Variants in ROBO2 observed in about 807,000 individuals in gnomAD.
ROBO2 encodes roundabout homolog 2.
A neutral mutation model predicts 160.8 loss-of-function variants in ROBO2; 53 were observed. The ratio of observed to expected loss-of-function variants is 0.33; its 90% CI spans 0.26 to 0.41. ROBO2 has a LOEUF of 0.41. ROBO2 is among the 10% of genes least tolerant of loss of function. The pLI, the probability that ROBO2 is intolerant of heterozygous loss-of-function variation, is 1.00. For missense variants in ROBO2, 1,577 were observed against 1,722.4 expected (o/e 0.92, Z 1.49); for synonymous variants, 664 against 611.7 (o/e 1.09, Z -1.26).
intron 2 of ROBO2, chr3:76,434,496 G>A (rs1223365580): frequency 6.4e-6 from 10 of 1,556,950 alleles, no homozygotes; most frequent in East Asian, 4.5e-5. Context: ...TATACAAACC[G>A]AGTCCTCAAA....
intron 2 of ROBO2, among the ~76,000 whole-genome samples, chr3:76,698,064 T>C (rs2092966625): frequency 6.6e-6 from 1 of 152,112 alleles, no homozygotes; most frequent in Admixed American, 6.5e-5. Context: ...TCTTCTATTT[T>C]ATTCATTGGT....
chr3:77,034,460 T>C (rs1463310309), intron 2 of ROBO2, among the ~76,000 whole-genome samples: 2 of 151,136 alleles, frequency 1.3e-5, no homozygotes, highest in Admixed American at 6.6e-5. Context: ...ATAAAATAAA[T>C]TGGATATTGG....
chr3:76,746,237 T>C (rs2108132361), intron 2 of ROBO2, among the ~76,000 whole-genome samples: 1 of 152,096 alleles, frequency 6.6e-6, no homozygotes, highest in South Asian at 2.1e-4. Context: ...CTATCATTGT[T>C]GGACATTTGG....
chr3:76,643,497 C>G (rs755043537), intron 2 of ROBO2, among the ~76,000 whole-genome samples: 2 of 152,148 alleles, frequency 1.3e-5, no homozygotes, highest in African/African-American at 4.8e-5. Context: ...TAAGTATATA[C>G]TGTCCTGCAA....
chr3:75,924,681 C>CTTTTTTTTTTTTT lies in ROBO2; in HGVS notation c.-13-12788_-13-12776dup, dbSNP rs60599175. ...AATTATTGGGAATTTATTTTCTTTT[C>CTTTTTTTTTTTTT]TTTTTTTTTTTTTTTTTTTTTTTTG... On this transcript the variant is annotated intron_variant, in intron 1 of 26. Transcript: ENST00000487694. 3.0e-5 allele frequency among the ~76,000 whole-genome samples: 2 copies of CTTTTTTTTTTTTT among 66,012 alleles called. 1 individual carries two copies. The highest frequency in any genetic ancestry group is 1.4e-4 in the African/African-American group (2 of 14,746). 43.3% of individuals were successfully genotyped at this position (66,012 alleles called of 152,430 possible).
At chr3:76,850,655 C>A (rs1193730729) in intron 2 of ROBO2, among the ~76,000 whole-genome samples, 1 of 152,074 alleles carries the variant, frequency 6.6e-6, no homozygotes, top group East Asian at 1.9e-4. Flanking sequence ...TACCAATGAT[C>A]TCCACACTTC....
chr3:76,145,688 G>A (rs569627967), intron 2 of ROBO2, among the ~76,000 whole-genome samples: 8 of 151,936 alleles, frequency 5.3e-5, no homozygotes, highest in African/African-American at 1.4e-4. Context: ...AAAAGGACTC[G>A]ATTTTTTATT....
chr3:76,471,083 G>T (rs772682015), intron 2 of ROBO2, among the ~76,000 whole-genome samples: 9 of 152,092 alleles, frequency 5.9e-5, no homozygotes, highest in Non-Finnish European at 1.0e-4. Flanking sequence ...TTTATGGGAA[G>T]TCTCTCTAAC....
intron 2 of ROBO2, among the ~76,000 whole-genome samples, chr3:76,276,663 T>G (rs970133402): frequency 6.6e-6 from 1 of 152,044 alleles, no homozygotes; most frequent in Non-Finnish European, 1.5e-5. Context: ...TCACGTTGCT[T>G]AAATGAAGAA....
intron 2 of ROBO2, among the ~76,000 whole-genome samples, chr3:76,400,219 A>T (rs923288747): frequency 6.6e-6 from 1 of 151,622 alleles, no homozygotes; most frequent in Non-Finnish European, 1.5e-5. Context: ...ATATCTTAAG[A>T]TATCTAGACA....
chr3:76,647,699 A>G (rs2091047899), intron 2 of ROBO2, among the ~76,000 whole-genome samples: 1 of 151,930 alleles, frequency 6.6e-6, no homozygotes, highest in Admixed American at 6.6e-5. Flanking sequence ...TTTGGTAATC[A>G]AGGTTGTGGG....
chr3:77,164,451 CCCGCCTGG>C (rs2078787334), intron 2 of ROBO2, among the ~76,000 whole-genome samples: 1 of 129,098 alleles, frequency 7.7e-6, no homozygotes, highest in Non-Finnish European at 1.7e-5. Context: ...GGGTCAGCCC[CCCGCCTGG>C]CCAGCAGTGC....
intron 2 of ROBO2, among the ~76,000 whole-genome samples, chr3:76,773,919 C>T (rs2062070097): frequency 1.3e-5 from 2 of 150,782 alleles, no homozygotes; most frequent in South Asian, 4.1e-4. Context: ...ATTTGAGGAA[C>T]TGGAGCTGTG....
chr3:76,769,716 A>G (rs1448855843), intron 2 of ROBO2, among the ~76,000 whole-genome samples: 1 of 151,452 alleles, frequency 6.6e-6, no homozygotes, highest in East Asian at 2.0e-4. Context: ...CTTGCCGTGT[A>G]GTCCAGGCTC....
chr3:76,673,967 C>G (rs76518821), intron 2 of ROBO2, among the ~76,000 whole-genome samples: 2,427 of 152,066 alleles, frequency 0.016, 72 homozygotes, highest in African/African-American at 0.054. Context: ...TGTTTTAAAT[C>G]TAATATGGAA....
At chr3:77,580,222 A>G in intron 16 of ROBO2, 104 bp downstream of exon 17, 2 of 1,048,740 alleles carry the variant, frequency 1.9e-6, no homozygotes, top group Non-Finnish European at 1.5e-6. Context: ...CTTATGAATG[A>G]TAGGGTACAC....
intron 20 of ROBO2, chr3:77,603,773 C>T (rs531260794): frequency 1.3e-5 from 2 of 152,158 alleles, no homozygotes; most frequent in South Asian, 4.2e-4. Context: ...AGATCCTTAC[C>T]TGTAAAATGA....
intron 2 of ROBO2, among the ~76,000 whole-genome samples, chr3:77,323,217 C>G (rs1317918523): frequency 6.6e-6 from 1 of 151,070 alleles, no homozygotes; most frequent in East Asian, 1.9e-4. Context: ...TGACTATCAC[C>G]CATGTTCCCT....
chr3:77,353,147 T>C (rs1560601461), intron 2 of ROBO2, among the ~76,000 whole-genome samples: 1 of 152,094 alleles, frequency 6.6e-6, no homozygotes. Context: ...CCAACCCCCT[T>C]TATGAACCTG....
Sources: allele counts gnomAD v4.1 joint callset (sites outside exome capture counted in the v4.1 genomes callset), GRCh38; gene constraint gnomAD v4.1.1; transcripts MANE v1.5; gene names NCBI Gene and HGNC (gene_info 2026-07-23, HGNC 2026-07-21).